GREB1L: variants seen among roughly 807,000 people sequenced by gnomAD.
GREB1L encodes GREB1 like retinoic acid receptor coactivator, also known as GREB1-like protein.
In GREB1L, 17 loss-of-function variants were observed where a neutral mutation model predicts 200.8. The ratio of observed to expected loss-of-function variants is 0.08; its 90% CI spans 0.06 to 0.13. GREB1L has a LOEUF of 0.13. Among genes scored for constraint, GREB1L ranks in the 10% least tolerant of loss-of-function variants. GREB1L has a pLI of 1.00. For missense variants in GREB1L, 1,657 were observed against 2,367.7 expected, an observed-to-expected ratio of 0.70 and a Z score of 6.23; for synonymous variants, 789 against 893.0, an observed-to-expected ratio of 0.88 and a Z score of 2.08.
intron 19 of GREB1L, among the ~76,000 whole-genome samples, chr18:21,494,119 A>G (rs867030092): frequency 3.9e-5 from 6 of 152,272 alleles, no homozygotes; most frequent in African/African-American, 1.4e-4. Flanking sequence ...TCCCCCTGAC[A>G]TGAAATGGTA....
At chr18:21,439,073 G>C (rs1168088823) in intron 7 of GREB1L, among the ~76,000 whole-genome samples, 2 of 152,094 alleles carry the variant, frequency 1.3e-5, no homozygotes, top group Admixed American at 1.3e-4. Context: ...GCATGCATGT[G>C]TGTATGTGGA....
rs189490196 is a variant in GREB1L at position 21,417,996 on chromosome 18, A to G, written c.832+14002A>G. ...ACTCCATCTCAAAAAAAAAAAAAAG[A>G]AAAGAAAAAGAAAACCACTGAAAAT... On this transcript the variant is annotated intron_variant, in intron 7 of 32. Coordinates refer to ENST00000424526, the MANE Select transcript of GREB1L (RefSeq NM_001142966.3). Among the ~76,000 whole-genome samples the G allele has an allele frequency of 8.0e-3, 1,210 of 151,594 alleles. 15 individuals are homozygous for G. Among genetic ancestry groups the G allele is most frequent in the African/African-American group, 0.027 (1,122 of 41,352 alleles).
chr18:21,259,939 A>C (rs2037863411), intron 1 of GREB1L, among the ~76,000 whole-genome samples: 1 of 151,892 alleles, frequency 6.6e-6, no homozygotes, highest in East Asian at 1.9e-4. Flanking sequence ...TATTGAGCAG[A>C]AACTAACTTT....
chr18:21,499,593 G>A (rs2036690734), intron 21 of GREB1L, 136 bp from the exon 22 acceptor site: 1 of 645,892 alleles, frequency 1.5e-6, no homozygotes, highest in Non-Finnish European at 2.7e-6. Flanking sequence ...GAGCGGCAAA[G>A]AGAAGATTTC....
chr18:21,406,109 A>T (rs182559599), intron 7 of GREB1L, among the ~76,000 whole-genome samples: 31 of 151,978 alleles, frequency 2.0e-4, no homozygotes, highest in Admixed American at 1.4e-3. Flanking sequence ...CCTAAGAGGG[A>T]GAGGTAGGTA....
chr18:21,246,597 A>G (rs1207185142), intron 1 of GREB1L, among the ~76,000 whole-genome samples: 1 of 152,226 alleles, frequency 6.6e-6, no homozygotes, highest in East Asian at 1.9e-4. Context: ...GAGCTGTACC[A>G]TAAGCTAGAC....
chr18:21,507,669 C>A (rs1307115706), intron 25 of GREB1L, among the ~76,000 whole-genome samples: 1 of 152,116 alleles, frequency 6.6e-6, no homozygotes, highest in Non-Finnish European at 1.5e-5. Context: ...AAAGATGGGG[C>A]TGGAGAGGCA....
At position 21,500,203 on chromosome 18, in the gene GREB1L, C is replaced by A; in HGVS notation, c.3866C>A (p.Thr1289Asn). 1 of 1,547,530 alleles carries A rather than the reference C, an allele frequency of 6.5e-7. No individual in the cohort carries two copies. Among genetic ancestry groups the A allele is most frequent in the African/African-American group, 1.4e-5 (1 of 73,150 alleles). The part of the protein sequence containing the change: ...EEQSLYYRQW[T>N]LARQHHADYS... ...CAGTCCCTCTACTACAGGCAGTGGA[C>A]CTTGGCCCGGCAGCACCACGCTGAC... is the stretch of plus-strand genomic sequence containing the variant. Residue 1289 changes from threonine to asparagine, a missense_variant, in exon 22 of 33, where the codon ACC (threonine) becomes AAC (asparagine). Physicochemically the swap from Thr to Asn is moderately conservative, Grantham distance 65. This residue lies in a region of GREB1L where 512 missense variants were observed against 668.3 expected (regional missense o/e 0.77). Coordinates refer to ENST00000424526, the MANE Select transcript of GREB1L (RefSeq NM_001142966.3).
intron 7 of GREB1L, among the ~76,000 whole-genome samples, chr18:21,426,108 G>A (rs1160815800): frequency 6.7e-6 from 1 of 149,492 alleles, no homozygotes; most frequent in Non-Finnish European, 1.5e-5. Context: ...CCAGGTTGGA[G>A]TGCAGTGGCT....
Position 21,506,394 on chromosome 18 carries a change from C to CA in GREB1L, c.4368+458dup, listed in dbSNP as rs1188698883. Among the ~76,000 whole-genome samples, 319 of 106,888 alleles carry CA rather than the reference C, an allele frequency of 3.0e-3. 1 individual carries two copies. The highest frequency in any genetic ancestry group is 5.3e-3 in the Middle Eastern group (1 of 188). The allele number at this position is 106,888 out of a possible 152,430, so 70.1% of individuals were successfully genotyped here. A position where few individuals can be genotyped will look rare whatever the true frequency, so the allele number is the denominator to read the frequency against. On this transcript the variant is annotated intron_variant, in intron 25 of 32. Coordinates refer to ENST00000424526, the MANE Select transcript of GREB1L (RefSeq NM_001142966.3). ...TGGGTGACAGAGTGGGACTCCGTCT[C>CA]AAAAAAAAAAAAAGCACAATGCATG...
chr18:21,316,199 A>G (rs1289510577), intron 1 of GREB1L, among the ~76,000 whole-genome samples: 2 of 152,182 alleles, frequency 1.3e-5, no homozygotes, highest in South Asian at 2.1e-4. Context: ...GTCCAGGGCA[A>G]GGGAGCATTT....
At chr18:21,492,987 C>CA (rs2036400491) in intron 19 of GREB1L, among the ~76,000 whole-genome samples, 1 of 152,144 alleles carries the variant, frequency 6.6e-6, no homozygotes, top group Non-Finnish European at 1.5e-5. Flanking sequence ...CCCAAATTCT[C>CA]AAAATCACTG....
intron 1 of GREB1L, among the ~76,000 whole-genome samples, chr18:21,364,389 G>A (rs1271481270): frequency 6.6e-6 from 1 of 152,026 alleles, no homozygotes; most frequent in Non-Finnish European, 1.5e-5. Flanking sequence ...TATAAATCCT[G>A]GCTAATACAA....
intron 23 of GREB1L, among the ~76,000 whole-genome samples, chr18:21,505,171 C>T (rs187448147): frequency 5.4e-4 from 83 of 152,302 alleles, no homozygotes; most frequent in African/African-American, 1.9e-3. Flanking sequence ...GGTTATCTTA[C>T]AGATGCCAGA....
At chr18:21,355,123 A>G (rs190271737) in intron 1 of GREB1L, among the ~76,000 whole-genome samples, 132 of 152,010 alleles carry the variant, frequency 8.7e-4, no homozygotes, top group Middle Eastern at 6.8e-3. Flanking sequence ...AGAGAAAGTG[A>G]TCCAAGAGAT....
intron 7 of GREB1L, among the ~76,000 whole-genome samples, chr18:21,412,234 CTACAAAAAA>C (rs2031130152): frequency 7.0e-6 from 1 of 142,170 alleles, no homozygotes; most frequent in Non-Finnish European, 1.5e-5. Context: ...AATCTTGTCT[CTACAAAAAA>C]TACAAAAAAA....
At chr18:21,518,299 T>C (rs537931773) in intron 31 of GREB1L, 65 bp downstream of exon 31, 245 of 1,454,156 alleles carry the variant, frequency 1.7e-4, no homozygotes, top group Admixed American at 2.9e-4. Context: ...ATTTTAGCTG[T>C]TTACAAAAAA....
At chr18:21,480,210 G>A (rs2035865318) in intron 17 of GREB1L, among the ~76,000 whole-genome samples, 1 of 152,178 alleles carries the variant, frequency 6.6e-6, no homozygotes, top group South Asian at 2.1e-4. Context: ...AATTAGCTGG[G>A]TGTGGTGGCA....
chr18:21,449,477 T>A (rs1365348675), intron 11 of GREB1L, 33 bp from the exon 12 acceptor site: 1 of 1,346,552 alleles, frequency 7.4e-7, no homozygotes, highest in Admixed American at 2.4e-5. Context: ...CCTGTGATTC[T>A]TTAAATTCCA....
Sources: allele counts gnomAD v4.1 joint callset (sites outside exome capture counted in the v4.1 genomes callset), GRCh38; gene constraint gnomAD v4.1.1; regional missense constraint gnomAD v4.1.1; transcripts MANE v1.5; gene names NCBI Gene and HGNC (gene_info 2026-07-23, HGNC 2026-07-21).